Variants in ANKFN1 observed in about 807,000 individuals in gnomAD.
The protein encoded by ANKFN1 is ankyrin repeat and fibronectin type III domain containing 1.
In ANKFN1, 74 loss-of-function variants were observed where a neutral mutation model predicts 108.7. That is an observed-to-expected ratio of 0.68 (90% CI 0.56 to 0.83). The LOEUF (loss-of-function observed/expected upper bound fraction) is 0.83. Ranked by LOEUF, ANKFN1 falls within the 40% of genes least tolerant of loss-of-function variation. The pLI, the probability that ANKFN1 is intolerant of heterozygous loss-of-function variation, is 0.00. For synonymous variants in ANKFN1, 547 were observed against 516.2 expected, an observed-to-expected ratio of 1.06 and a Z score of -0.81; for missense variants, 1,505 against 1,382.3, an observed-to-expected ratio of 1.09 and a Z score of -1.41.
At chr17:56,353,527 A>G (rs188155336) in intron 5 of ANKFN1, among the ~76,000 whole-genome samples, 97 of 152,256 alleles carry the variant, frequency 6.4e-4, no homozygotes, top group African/African-American at 1.6e-3. Context: ...GTGAGCCACC[A>G]TGCCCAGCCA....
intron 4 of ANKFN1, among the ~76,000 whole-genome samples, chr17:56,136,542 C>T (rs1172033236): frequency 6.6e-6 from 1 of 151,944 alleles, no homozygotes; most frequent in Non-Finnish European, 1.5e-5. Flanking sequence ...GGGTTTTTGT[C>T]AGAGAGAGGA....
intron 2 of ANKFN1, among the ~76,000 whole-genome samples, chr17:56,219,145 G>C (rs543797157): frequency 6.6e-6 from 1 of 152,130 alleles, no homozygotes; most frequent in Non-Finnish European, 1.5e-5. Context: ...ATAAATATTT[G>C]ATAAATAAAT....
At chr17:56,446,405 G>A (rs538127980) in intron 10 of ANKFN1, among the ~76,000 whole-genome samples, 4 of 152,286 alleles carry the variant, frequency 2.6e-5, no homozygotes, top group East Asian at 3.9e-4. Flanking sequence ...TGACAGCAAC[G>A]TTTATTCTCA....
chr17:56,196,301 C>A (rs1181743917), intron 1 of ANKFN1, among the ~76,000 whole-genome samples: 1 of 152,106 alleles, frequency 6.6e-6, no homozygotes, highest in Admixed American at 6.6e-5. Context: ...AGTCATGACA[C>A]CATTTAGGGG....
rs897359437 is a variant in ANKFN1 at position 56,515,241 on chromosome 17, G to C, written c.*3972G>C. Among the ~76,000 whole-genome samples, 2 of 152,176 alleles carry C rather than the reference G, an allele frequency of 1.3e-5. No individual in the cohort carries two copies. The highest frequency in any genetic ancestry group is 2.9e-5 in the Non-Finnish European group (2 of 68,030). On this transcript the variant is annotated 3_prime_UTR_variant, in exon 21 of 21. Transcript: ENST00000682825. ...GTATGTAGCAGAGCTACAGCAAAGA[G>C]TGTGTATTTCTTGGTATATGTGCTT... is the stretch of plus-strand genomic sequence containing the variant.
intron 8 of ANKFN1, among the ~76,000 whole-genome samples, chr17:56,407,220 A>G (rs1244778103): frequency 6.6e-6 from 1 of 152,236 alleles, no homozygotes; most frequent in African/African-American, 2.4e-5. Flanking sequence ...CATACAGAGC[A>G]TTTTGAACAA....
intron 6 of ANKFN1, among the ~76,000 whole-genome samples, chr17:56,359,463 C>A (rs912257543): frequency 6.6e-6 from 1 of 152,112 alleles, no homozygotes; most frequent in African/African-American, 2.4e-5. Context: ...TCTGCCCTTT[C>A]CCTTAGCTAC....
At chr17:56,243,430 A>T (rs1237337741) in intron 3 of ANKFN1, among the ~76,000 whole-genome samples, 1 of 152,152 alleles carries the variant, frequency 6.6e-6, no homozygotes, top group Non-Finnish European at 1.5e-5. Context: ...TGCTGCCTGT[A>T]AGGTGAAGCC....
At chr17:56,078,782 G>T (rs756671223) in intron 4 of ANKFN1, among the ~76,000 whole-genome samples, 3 of 152,210 alleles carry the variant, frequency 2.0e-5, no homozygotes, top group Non-Finnish European at 2.9e-5. Flanking sequence ...GTTCTCTCCA[G>T]AAGCTGTGTG....
rs150225392 is a variant in ANKFN1 at position 56,103,912 on chromosome 17, A to G, written c.288+57587A>G. 2.3e-3 allele frequency among the ~76,000 whole-genome samples: 344 copies of G among 152,368 alleles called. 3 individuals are homozygous for G. The highest frequency in any genetic ancestry group is 7.9e-3 in the African/African-American group (328 of 41,588). On this transcript the variant is annotated intron_variant, in intron 4 of 12. Coordinates refer to the ANKFN1 transcript ENST00000635860. The stretch of plus-strand genomic sequence containing the variant: ...ATCTGTGGGACTTCACCAGGTACCA[A>G]GCGGTCAGAGTAAGATGGGGAGGAA...
intron 1 of ANKFN1, among the ~76,000 whole-genome samples, chr17:56,187,539 G>A (rs544935026): frequency 4.6e-5 from 7 of 152,260 alleles, no homozygotes; most frequent in African/African-American, 9.6e-5. Context: ...GATTCCTCAA[G>A]GATCTAGAAC....
intron 4 of ANKFN1, among the ~76,000 whole-genome samples, chr17:56,336,556 G>A (rs933695084): frequency 6.6e-6 from 1 of 152,122 alleles, no homozygotes; most frequent in Admixed American, 6.6e-5. Context: ...TGTGGGATCG[G>A]TGGTGATATC....
rs190357698 is a variant in ANKFN1, at chr17:56,326,254, G to C, written c.87G>C (p.Arg29Ser). The C allele has an allele frequency of 1.3e-4, 203 of 1,613,794 alleles. No individual in the cohort carries two copies. In the East Asian group the frequency reaches 3.3e-3, roughly 26 times the overall value. Residue 29 changes from arginine (R) to serine (S), a missense_variant, in exon 4 of 21, where the codon AGG becomes AGC. By Grantham distance (110) the Arg-to-Ser change is moderately radical. Transcript: ENST00000682825. ...IGRRFACFAQ[R>S]LSHRRKQSQC... ...GGAGATTCGCTTGCTTTGCACAGAG[G>C]CTGAGCCACAGGAGAAAGCAAAGCC... is the stretch of plus-strand genomic sequence containing the variant.
chr17:56,211,936 G>A (rs958248843), intron 1 of ANKFN1, among the ~76,000 whole-genome samples: 12 of 152,100 alleles, frequency 7.9e-5, no homozygotes, highest in Non-Finnish European at 1.3e-4. Context: ...CTACTGATAT[G>A]TGTACATTAA....
intron 4 of ANKFN1, among the ~76,000 whole-genome samples, chr17:56,047,233 C>A (rs551054207): frequency 6.6e-4 from 101 of 152,278 alleles, no homozygotes; most frequent in Non-Finnish European, 1.1e-3. Flanking sequence ...ACACAGGATC[C>A]CCCTCCCTGC....
chr17:56,464,642 C>A (rs530932157), intron 14 of ANKFN1, among the ~76,000 whole-genome samples: 1 of 152,250 alleles, frequency 6.6e-6, no homozygotes, highest in Non-Finnish European at 1.5e-5. Context: ...TAGATGTAAG[C>A]CTGGGTGGGA....
intron 3 of ANKFN1, among the ~76,000 whole-genome samples, chr17:56,269,629 G>T (rs139427792): frequency 5.3e-5 from 8 of 152,306 alleles, no homozygotes; most frequent in Admixed American, 3.9e-4. Context: ...AACTTCTTAA[G>T]ATGCTTAAGT....
At position 56,049,954 on chromosome 17, in the gene ANKFN1, G is replaced by A. The variant is rs76445482; in HGVS notation, c.288+3629G>A. Reference sequence around the variant, plus strand: ...ATGGTATTTCTAGTTCTAGATTTCTGAGGAATCGCCACACTGACTTCCACA... The same window carrying A: ...ATGGTATTTCTAGTTCTAGATTTCTAAGGAATCGCCACACTGACTTCCACA... On this transcript the variant is annotated intron_variant, in intron 4 of 12. Coordinates refer to the ANKFN1 transcript ENST00000635860. Among the ~76,000 whole-genome samples, 33 of 152,258 alleles carry A rather than the reference G, an allele frequency of 2.2e-4. No homozygotes were observed. In the East Asian group the frequency reaches 6.0e-3, roughly 28 times the overall value.
At position 56,350,861 on chromosome 17, in the gene ANKFN1, G is replaced by A. The variant is rs767276313; in HGVS notation, c.284G>A (p.Arg95His). 1.4e-5 allele frequency: 22 copies of A among 1,613,750 alleles called. No individual in the cohort carries two copies. Among genetic ancestry groups the A allele is most frequent in the Middle Eastern group, 1.7e-4 (1 of 6,058 alleles). Residue 95 changes from arginine to histidine, a missense_variant, in exon 5 of 21, where the codon CGC becomes CAC. By Grantham distance (29) the Arg-to-His change is conservative. Transcript: ENST00000682825. ...SAPSSPNAAK[R>H]LYRNLSEKLK... ...CCCTCATCTCCCAACGCAGCCAAAC[G>A]CCTGTACAGGAACCTCTCTGAGAAA...
Sources: gnomAD v4.1 joint callset for allele counts (sites outside exome capture counted in the v4.1 genomes callset) on GRCh38, gnomAD v4.1.1 for gene constraint, MANE v1.5 for transcripts, NCBI Gene and HGNC (gene_info 2026-07-23, HGNC 2026-07-21) for gene names.